Variants in APBA1 observed in about 807,000 individuals in gnomAD.
APBA1 encodes the protein amyloid-beta A4 precursor protein-binding family A member 1.
APBA1 carries 55 observed loss-of-function variants against 86.6 expected under a neutral mutation model. That is an observed-to-expected ratio of 0.64 (90% CI 0.51 to 0.80). APBA1 has a LOEUF of 0.80. Among genes scored for constraint, APBA1 ranks in the 30% least tolerant of loss-of-function variants. The pLI is 0.00. For missense variants in APBA1, 1,090 were observed against 1,183.0 expected (o/e 0.92, Z 1.15); for synonymous variants, 511 against 493.9 (o/e 1.03, Z -0.46).
chr9:69,603,869 T>C (rs1185561415), intron 1 of APBA1, among the ~76,000 whole-genome samples: 1 of 152,182 alleles, frequency 6.6e-6, no homozygotes, highest in Non-Finnish European at 1.5e-5. Context: ...TGAACGAACA[T>C]CATGCCCTCT....
At chr9:69,471,141 C>T (rs1451329668) in intron 4 of APBA1, among the ~76,000 whole-genome samples, 1 of 151,996 alleles carries the variant, frequency 6.6e-6, no homozygotes, top group African/African-American at 2.4e-5. Flanking sequence ...AGTGAGGATT[C>T]AATTAGTTAT....
chr9:69,592,092 G>A (rs1012458525), intron 1 of APBA1, among the ~76,000 whole-genome samples: 1 of 152,056 alleles, frequency 6.6e-6, no homozygotes, highest in Non-Finnish European at 1.5e-5. Context: ...ATTTAACTGG[G>A]TTATTATGTT....
At chr9:69,598,495 C>T (rs982833377) in intron 1 of APBA1, among the ~76,000 whole-genome samples, 2 of 151,712 alleles carry the variant, frequency 1.3e-5, no homozygotes, top group African/African-American at 4.8e-5. Context: ...CACCTCACTC[C>T]AGGTGGGCAG....
At chr9:69,540,425 G>A (rs996358040) in intron 1 of APBA1, among the ~76,000 whole-genome samples, 2 of 151,934 alleles carry the variant, frequency 1.3e-5, no homozygotes. Flanking sequence ...CTGTACAATA[G>A]AGTACAGTAT....
At chr9:69,518,045 G>C (rs1290327245) in intron 1 of APBA1, among the ~76,000 whole-genome samples, 1 of 152,164 alleles carries the variant, frequency 6.6e-6, no homozygotes, top group Non-Finnish European at 1.5e-5. Flanking sequence ...ATGTTACATA[G>C]CAGCTGGTTT....
intron 1 of APBA1, among the ~76,000 whole-genome samples, chr9:69,619,594 C>A (rs1047889494): frequency 2.6e-5 from 4 of 152,190 alleles, no homozygotes; most frequent in Non-Finnish European, 5.9e-5. Flanking sequence ...ACCATTGTCT[C>A]AAAGAGCACA....
chr9:69,436,084 A>C (rs1426664451), intron 11 of APBA1, among the ~76,000 whole-genome samples: 1 of 150,604 alleles, frequency 6.6e-6, no homozygotes, highest in Non-Finnish European at 1.5e-5. Context: ...AAGATCAGAC[A>C]GTTGTAGATA....
chr9:69,638,378 T>G (rs1045468418), intron 1 of APBA1, among the ~76,000 whole-genome samples: 3 of 152,144 alleles, frequency 2.0e-5, no homozygotes, highest in Non-Finnish European at 4.4e-5. Flanking sequence ...GTAGCTGGGA[T>G]TACAGGCATG....
chr9:69,435,581 C>T (rs1048611507), intron 11 of APBA1, among the ~76,000 whole-genome samples: 2 of 152,206 alleles, frequency 1.3e-5, no homozygotes, highest in Admixed American at 1.3e-4. Context: ...CTTTTGGCTG[C>T]ATAAATGTCA....
intron 1 of APBA1, among the ~76,000 whole-genome samples, chr9:69,624,922 G>A (rs1239818427): frequency 1.3e-5 from 2 of 152,060 alleles, no homozygotes; most frequent in African/African-American, 4.8e-5. Context: ...GGAAAAATAG[G>A]GCATGACCAG....
At chr9:69,628,219 C>T (rs537755805) in intron 1 of APBA1, among the ~76,000 whole-genome samples, 1 of 152,118 alleles carries the variant, frequency 6.6e-6, no homozygotes, top group Non-Finnish European at 1.5e-5. Flanking sequence ...TTTCTACCAA[C>T]AAACTAATGA....
intron 1 of APBA1, among the ~76,000 whole-genome samples, chr9:69,563,755 ACACT>A (rs892165344): frequency 2.0e-5 from 3 of 152,098 alleles, no homozygotes; most frequent in African/African-American, 7.2e-5. Flanking sequence ...ATGGTTCCTG[ACACT>A]CAGACAGACA....
At chr9:69,594,082 A>G (rs988805328) in intron 1 of APBA1, among the ~76,000 whole-genome samples, 5 of 152,112 alleles carry the variant, frequency 3.3e-5, no homozygotes, top group Non-Finnish European at 5.9e-5. Context: ...TTGACTTATC[A>G]TATCGCTGAG....
At chr9:69,449,438 A>G (rs535130597) in intron 10 of APBA1, 146 bp downstream of exon 10, 12 of 716,458 alleles carry the variant, frequency 1.7e-5, no homozygotes, top group Admixed American at 1.4e-4. Context: ...AAGCTTCCTG[A>G]GTGCAAGTCC....
intron 2 of APBA1, among the ~76,000 whole-genome samples, chr9:69,482,321 T>C (rs1200582526): frequency 1.3e-5 from 2 of 152,062 alleles, no homozygotes; most frequent in Admixed American, 6.5e-5. Flanking sequence ...AGGACATGAA[T>C]AGACACTTCT....
At chr9:69,468,001 T>C (rs778189907) in intron 4 of APBA1, 33 bp from the exon 5 acceptor site, 116 of 1,605,996 alleles carry the variant, frequency 7.2e-5, no homozygotes, top group Non-Finnish European at 8.7e-5. Context: ...GAGGAAGCCA[T>C]CCTGGGGTGG....
intron 2 of APBA1, among the ~76,000 whole-genome samples, chr9:69,491,647 G>T (rs560234063): frequency 4.8e-4 from 73 of 151,750 alleles, no homozygotes; most frequent in Non-Finnish European, 6.3e-4. Flanking sequence ...AAGACAATGG[G>T]TTTAGTCCTC....
intron 1 of APBA1, among the ~76,000 whole-genome samples, chr9:69,642,949 T>C (rs1823318432): frequency 6.6e-6 from 1 of 151,140 alleles, no homozygotes; most frequent in Non-Finnish European, 1.5e-5. Flanking sequence ...ACGAACCAAT[T>C]CCTTCAGCTA....
chr9:69,433,960 C>A (rs1266452307), intron 11 of APBA1, among the ~76,000 whole-genome samples: 1 of 152,190 alleles, frequency 6.6e-6, no homozygotes, highest in South Asian at 2.1e-4. Context: ...TACAGGTGCC[C>A]GCCACCACAC....
Sources: gnomAD v4.1 joint callset for allele counts (sites outside exome capture counted in the v4.1 genomes callset) on GRCh38, gnomAD v4.1.1 for gene constraint, MANE v1.5 for transcripts, NCBI Gene and HGNC (gene_info 2026-07-23, HGNC 2026-07-21) for gene names.